Variants in AKAP10 observed in about 807,000 individuals in gnomAD.
The protein encoded by AKAP10 is A-kinase anchoring protein 10.
A neutral mutation model predicts 80.8 loss-of-function variants in AKAP10; 24 were observed. The ratio of observed to expected loss-of-function variants is 0.30; its 90% CI spans 0.22 to 0.42. The LOEUF is 0.42. Among genes scored for constraint, AKAP10 ranks in the 10% least tolerant of loss-of-function variants. The probability of loss-of-function intolerance (pLI) is 1.00; values close to 1 mark genes in which losing one functional copy is unlikely to be tolerated. For synonymous variants in AKAP10, 291 were observed against 277.7 expected, an observed-to-expected ratio of 1.05 and a Z score of -0.48; for missense variants, 661 against 794.9, an observed-to-expected ratio of 0.83 and a Z score of 2.03.
intron 1 of AKAP10, among the ~76,000 whole-genome samples, chr17:19,969,200 G>A (rs1365701895): frequency 3.3e-5 from 5 of 152,136 alleles, no homozygotes; most frequent in African/African-American, 1.2e-4. Flanking sequence ...AAAACAATGA[G>A]CTGGGTGTGG....
chr17:19,957,946 G>T, intron 4 of AKAP10, 68 bp downstream of exon 4: 1 of 1,435,876 alleles, frequency 7.0e-7, no homozygotes, highest in Non-Finnish European at 9.4e-7. Flanking sequence ...CTCATCTGAA[G>T]TTCTGCTTAG....
At chr17:19,974,223 T>C (rs188314429) in intron 1 of AKAP10, among the ~76,000 whole-genome samples, 1 of 152,216 alleles carries the variant, frequency 6.6e-6, no homozygotes, top group East Asian at 1.9e-4. Flanking sequence ...GCCAAAATAC[T>C]ACTTCTTGAG....
At chr17:19,916,733 C>T (rs1268272299) in intron 12 of AKAP10, among the ~76,000 whole-genome samples, 1 of 150,128 alleles carries the variant, frequency 6.7e-6, no homozygotes, top group African/African-American at 2.5e-5. Flanking sequence ...ATCAGGAGAT[C>T]GAGACCATCC....
chr17:19,953,291 A>G (rs2152416920), intron 4 of AKAP10, among the ~76,000 whole-genome samples: 1 of 152,170 alleles, frequency 6.6e-6, no homozygotes, highest in East Asian at 1.9e-4. Context: ...TTAAATGCTT[A>G]TCTTAGAAAA....
In AKAP10 at chr17:19,977,666, C is replaced by G; in HGVS notation, c.14G>C (p.Gly5Ala). The G allele has an allele frequency of 8.1e-7, 1 of 1,235,226 alleles. No individual in the cohort carries two copies. Among genetic ancestry groups the G allele is most frequent in the Admixed American group, 4.2e-5 (1 of 23,720 alleles). The allele number at this position is 1,235,226 out of a possible 1,614,324, so 76.5% of individuals were successfully genotyped here. The change falls in exon 1 of 15, where the codon GGG becomes GCG. Residue 5 changes from glycine (G) to alanine (A), a missense_variant. Transcript: ENST00000225737. ...GCGGGGGGACTGGCGCGGGGAGGGC[C>G]CGGCTCCCCTCATTCAGCAACCGGC... MRGA[G>A]PSPRQSPRTL...
chr17:19,975,509 T>G (rs2043553630), intron 1 of AKAP10, among the ~76,000 whole-genome samples: 1 of 152,184 alleles, frequency 6.6e-6, no homozygotes, highest in African/African-American at 2.4e-5. Context: ...ATCCTTCAGC[T>G]CTAAGTTTCA....
intron 5 of AKAP10, among the ~76,000 whole-genome samples, chr17:19,943,969 G>A (rs2152414916): frequency 6.6e-6 from 1 of 151,862 alleles, no homozygotes; most frequent in East Asian, 1.9e-4. Context: ...TTTTGTGAGA[G>A]TTCAGAAGGA....
At chr17:19,909,082 G>T in intron 14 of AKAP10, 99 bp downstream of exon 14, 1 of 973,996 alleles carries the variant, frequency 1.0e-6, no homozygotes, top group South Asian at 1.7e-5. Context: ...CCCCACAGCA[G>T]TTAATCCTTC....
At chr17:19,927,161 A>T (rs1399226518) in intron 10 of AKAP10, among the ~76,000 whole-genome samples, 1 of 152,076 alleles carries the variant, frequency 6.6e-6, no homozygotes, top group Non-Finnish European at 1.5e-5. Context: ...ACACAGTAAG[A>T]TCTGTCTCTA....
intron 12 of AKAP10, among the ~76,000 whole-genome samples, chr17:19,916,558 T>A (rs1567751914): frequency 1.3e-5 from 2 of 151,962 alleles, no homozygotes; most frequent in African/African-American, 4.8e-5. Context: ...ACACCTATGC[T>A]ATGTTAACAC....
At chr17:19,948,268 G>A (rs899156024) in intron 4 of AKAP10, among the ~76,000 whole-genome samples, 2 of 152,066 alleles carry the variant, frequency 1.3e-5, no homozygotes, top group East Asian at 3.9e-4. Context: ...CAGTACCTCC[G>A]TACTCCTGAC....
At chr17:19,908,647 G>C (rs1164923531) in intron 14 of AKAP10, among the ~76,000 whole-genome samples, 2 of 151,924 alleles carry the variant, frequency 1.3e-5, no homozygotes, top group African/African-American at 4.8e-5. Context: ...TCTGAACTTT[G>C]ATTTTTTTTT....
At chr17:19,955,907 C>T (rs917270881) in intron 4 of AKAP10, among the ~76,000 whole-genome samples, 8 of 151,934 alleles carry the variant, frequency 5.3e-5, no homozygotes, top group African/African-American at 1.9e-4. Context: ...CTTCCCAATA[C>T]TGAATTCTCT....
chr17:19,972,799 A>G (rs1248857630), intron 1 of AKAP10, among the ~76,000 whole-genome samples: 7 of 152,170 alleles, frequency 4.6e-5, no homozygotes. Flanking sequence ...AACATGGATT[A>G]TATTTTCCTG....
chr17:19,943,436 T>A (rs79891488), intron 5 of AKAP10, among the ~76,000 whole-genome samples: 2 of 151,838 alleles, frequency 1.3e-5, no homozygotes, highest in East Asian at 1.9e-4. Context: ...TATAATGAAG[T>A]CTCCACAAAA....
intron 4 of AKAP10, among the ~76,000 whole-genome samples, chr17:19,950,800 C>T (rs566083925): frequency 6.4e-4 from 97 of 152,050 alleles, no homozygotes; most frequent in Non-Finnish European, 1.8e-4. Flanking sequence ...CCCCTCTGAC[C>T]GGCCGCCCCG....
chr17:19,913,012 C>G (rs1166936324), intron 12 of AKAP10, among the ~76,000 whole-genome samples: 1 of 151,126 alleles, frequency 6.6e-6, no homozygotes, highest in Non-Finnish European at 1.5e-5. Flanking sequence ...GAGTCTCACT[C>G]TGTTGCCCAG....
chr17:19,957,695 A>G (rs1342862291), intron 4 of AKAP10, among the ~76,000 whole-genome samples: 1 of 152,228 alleles, frequency 6.6e-6, no homozygotes, highest in Non-Finnish European at 1.5e-5. Context: ...TAAAATATTA[A>G]TAAAATTAAG....
intron 1 of AKAP10, among the ~76,000 whole-genome samples, chr17:19,976,492 C>T (rs2043568669): frequency 6.7e-6 from 1 of 149,974 alleles, no homozygotes; most frequent in Admixed American, 6.6e-5. Context: ...CGTCTCAAAA[C>T]AAAAAAAGAA....
Sources: gnomAD v4.1 joint callset for allele counts (sites outside exome capture counted in the v4.1 genomes callset) on GRCh38, gnomAD v4.1.1 for gene constraint, MANE v1.5 for transcripts, NCBI Gene and HGNC (gene_info 2026-07-23, HGNC 2026-07-21) for gene names.